Variants in BLM observed in about 807,000 individuals in gnomAD.
BLM encodes the protein recQ-like DNA helicase BLM.
BLM carries 95 observed loss-of-function variants against 135.3 expected under a neutral mutation model. The observed-to-expected ratio is 0.70, with a 90% CI of 0.59 to 0.83. The LOEUF is 0.83. Ranked by LOEUF, BLM falls within the 40% of genes least tolerant of loss-of-function variation. The pLI, the probability that BLM is intolerant of heterozygous loss-of-function variation, is 0.00. For synonymous variants in BLM, 520 were observed against 589.2 expected (o/e 0.88, Z 1.70); for missense variants, 1,518 against 1,663.9 (o/e 0.91, Z 1.53).
chr15:90,772,788 T>C (rs141237958), intron 12 of BLM, among the ~76,000 whole-genome samples: 1 of 152,170 alleles, frequency 6.6e-6, no homozygotes, highest in East Asian at 1.9e-4. Context: ...CTGGGCATTG[T>C]AGGAGGAGTA....
Position 90,785,006 on chromosome 15 carries a change from T to C in BLM, c.2748T>C (p.Leu916=). Residue 916 remains leucine, a synonymous_variant, in exon 14 of 22, where the codon CTT becomes CTC. Transcript: ENST00000355112. ...DTLQRDGLAA[L]AYHAGLSDSA... ...TACAGAGAGATGGGCTCGCTGCTCT[T>C]GCTTACCATGCTGGCCTCAGTGATT... 3.1e-6 allele frequency: 5 copies of C among 1,614,204 alleles called. No individual in the cohort carries two copies. The highest frequency in any genetic ancestry group is 4.2e-6 in the Non-Finnish European group (5 of 1,180,036).
intron 1 of BLM, among the ~76,000 whole-genome samples, chr15:90,722,555 T>C (rs1342670776): frequency 1.3e-5 from 2 of 151,988 alleles, no homozygotes; most frequent in Non-Finnish European, 2.9e-5. Context: ...ATCACGCCAT[T>C]GCACTCCAGC....
intron 19 of BLM, among the ~76,000 whole-genome samples, chr15:90,807,315 A>G (rs1897307176): frequency 6.6e-6 from 1 of 152,252 alleles, no homozygotes; most frequent in South Asian, 2.1e-4. Flanking sequence ...TAGGTCACGT[A>G]AAGCACTTGG....
chr15:90,735,609 G>A (rs1319535443), intron 1 of BLM, among the ~76,000 whole-genome samples: 2 of 152,014 alleles, frequency 1.3e-5, no homozygotes, highest in Non-Finnish European at 2.9e-5. Flanking sequence ...ATAGTGCTGG[G>A]ACAACTTGTT....
At chr15:90,761,309 G>T in intron 7 of BLM, 54 bp downstream of exon 7, 1 of 1,276,060 alleles carries the variant, frequency 7.8e-7, no homozygotes, top group East Asian at 2.7e-5. Context: ...TCCCAAAATA[G>T]GAATTATATA....
At chr15:90,814,687 G>A (rs577899416) in intron 21 of BLM, among the ~76,000 whole-genome samples, 8 of 152,292 alleles carry the variant, frequency 5.3e-5, no homozygotes, top group South Asian at 4.1e-4. Context: ...CAGTCATTCC[G>A]GGGTGCCTGT....
At chr15:90,769,042 A>G in intron 10 of BLM, 91 bp from the exon 11 acceptor site, 1 of 1,156,124 alleles carries the variant, frequency 8.6e-7, no homozygotes. Flanking sequence ...AGGTTTTAAT[A>G]CAGCTTAAGT....
intron 15 of BLM, among the ~76,000 whole-genome samples, chr15:90,791,892 A>G (rs1896913749): frequency 6.6e-6 from 1 of 152,076 alleles, no homozygotes; most frequent in Non-Finnish European, 1.5e-5. Flanking sequence ...CGCCCACCTC[A>G]GCCTCCCAAA....
At chr15:90,811,661 T>C (rs556368125) in intron 21 of BLM, among the ~76,000 whole-genome samples, 30 of 152,322 alleles carry the variant, frequency 2.0e-4, no homozygotes, top group African/African-American at 6.5e-4. Flanking sequence ...AAGTTTTCTT[T>C]CTTTTTTTAA....
chr15:90,777,913 A>G (rs1386973229), intron 12 of BLM, among the ~76,000 whole-genome samples: 26 of 152,198 alleles, frequency 1.7e-4, no homozygotes. Flanking sequence ...TCCATGTTGT[A>G]GCATTGGTCA....
At chr15:90,784,750 C>T (rs1461464760) in intron 13 of BLM, among the ~76,000 whole-genome samples, 171 bp from the exon 14 acceptor site, 2 of 152,046 alleles carry the variant, frequency 1.3e-5, no homozygotes, top group East Asian at 3.8e-4. Flanking sequence ...ATCTCATTTC[C>T]AGCACACATG....
At position 90,761,047 on chromosome 15, in the gene BLM, A is replaced by T. The variant is rs770573584; in HGVS notation, c.1674A>T (p.Ile558=). 1.9e-6 allele frequency: 3 copies of T among 1,591,218 alleles called. No individual in the cohort carries two copies. In the South Asian group the frequency reaches 3.5e-5, roughly 18 times the overall value. ...CCTATGATATTGATAATTTTGACAT[A>T]GATGACTTTGATGATGATGATGACT... is the stretch of plus-strand genomic sequence containing the variant. ...QPSYDIDNFD[I]DDFDDDDDWE... Residue 558 remains isoleucine, a synonymous_variant, in exon 7 of 22, where the codon ATA becomes ATT. Transcript: ENST00000355112.
chr15:90,768,791 T>C (rs1896210022), intron 10 of BLM, among the ~76,000 whole-genome samples: 1 of 152,212 alleles, frequency 6.6e-6, no homozygotes, highest in South Asian at 2.1e-4. Flanking sequence ...AGTGGCACGA[T>C]CTTGGCTCAC....
chr15:90,755,050 T>G, intron 5 of BLM, 112 bp downstream of exon 5: 1 of 1,335,688 alleles, frequency 7.5e-7, no homozygotes, highest in Non-Finnish European at 1.0e-6. Context: ...AATGGCAGAT[T>G]TGTAGTTTCT....
chr15:90,773,526 T>C (rs1406205275), intron 12 of BLM, among the ~76,000 whole-genome samples: 5 of 150,072 alleles, frequency 3.3e-5, no homozygotes, highest in Non-Finnish European at 7.4e-5. Flanking sequence ...TTTTTTTTTT[T>C]TTTTTTTTTA....
rs1896712163 is a variant in BLM, at chr15:90,785,059, G to A, written c.2801G>A (p.Trp934Ter). ...DSARDEVQQK[W>*]INQDGCQVIC... ...GCCAGAGATGAAGTGCAGCAGAAGT[G>A]GATTAATCAGGATGGCTGTCAGGTA... The change falls in exon 14 of 22, where the codon TGG (tryptophan) becomes TAG (stop). Residue 934 changes from tryptophan (W) to a stop codon, truncating the protein, a stop_gained. Transcript: ENST00000355112. LOFTEE classifies it high-confidence loss of function. 6.2e-7 allele frequency: 1 copy of A among 1,613,936 alleles called. No homozygotes were observed. The highest frequency in any genetic ancestry group is 8.5e-7 in the Non-Finnish European group (1 of 1,179,968).
chr15:90,770,188 T>C (rs1896270777), intron 12 of BLM, among the ~76,000 whole-genome samples: 1 of 143,564 alleles, frequency 7.0e-6, no homozygotes, highest in Non-Finnish European at 1.5e-5. Context: ...TTTTTTTTTT[T>C]TTTGAGATGG....
chr15:90,762,605 C>T (rs1896016930), intron 7 of BLM, among the ~76,000 whole-genome samples: 1 of 151,620 alleles, frequency 6.6e-6, no homozygotes, highest in Non-Finnish European at 1.5e-5. Context: ...TCCCAAATAT[C>T]TGAAAGACTC....
chr15:90,778,391 A>G (rs1036074364), intron 12 of BLM, among the ~76,000 whole-genome samples: 1 of 152,258 alleles, frequency 6.6e-6, no homozygotes, highest in African/African-American at 2.4e-5. Context: ...TCCACATACC[A>G]TACAATTCCC....
Sources: gnomAD v4.1 joint callset for allele counts (sites outside exome capture counted in the v4.1 genomes callset) on GRCh38, gnomAD v4.1.1 for gene constraint, MANE v1.5 for transcripts, NCBI Gene and HGNC (gene_info 2026-07-23, HGNC 2026-07-21) for gene names.